ADAM18: variants seen among roughly 807,000 people sequenced by gnomAD.
ADAM18 encodes ADAM metallopeptidase domain 18.
A neutral mutation model predicts 94.4 loss-of-function variants in ADAM18; 117 were observed. The observed-to-expected ratio is 1.24, with a 90% CI of 1.07 to 1.45. ADAM18 has a LOEUF of 1.45. Ranked by LOEUF, ADAM18 falls within the 40% of genes most tolerant of loss-of-function variation. ADAM18 has a pLI of 0.00. For missense variants in ADAM18, 936 were observed against 880.0 expected (o/e 1.06, Z -0.81); for synonymous variants, 327 against 291.6 (o/e 1.12, Z -1.24).
chr8:39,611,914 A>C (rs1028861103), intron 6 of ADAM18, among the ~76,000 whole-genome samples: 2 of 152,230 alleles, frequency 1.3e-5, no homozygotes, highest in Non-Finnish European at 2.9e-5. Context: ...CAGACACACT[A>C]AAAGTGGAAA....
rs557740464 is a variant in ADAM18, at chr8:39,628,971, T to C, written c.523-403T>C. Among the ~76,000 whole-genome samples, 3 of 152,190 alleles carry C rather than the reference T, an allele frequency of 2.0e-5. No individual in the cohort carries two copies. The South Asian group carries it at 6.2e-4, about 32-fold the overall frequency. ...TTTACCTGAATTTCAGTGGAGACTA[T>C]GAGTTCTCAAATATTTCCTATATCT... On this transcript the variant is annotated intron_variant, in intron 6 of 19. Coordinates refer to ENST00000265707, the MANE Select transcript of ADAM18 (RefSeq NM_014237.3).
intron 2 of ADAM18, among the ~76,000 whole-genome samples, chr8:39,602,720 T>A (rs890788023): frequency 6.6e-6 from 1 of 152,148 alleles, no homozygotes; most frequent in Non-Finnish European, 1.5e-5. Context: ...ATGAGATATG[T>A]GATTTCCAAA....
intron 17 of ADAM18, among the ~76,000 whole-genome samples, chr8:39,700,449 A>C (rs115332969): frequency 0.02 from 2,995 of 151,730 alleles, 89 homozygotes; most frequent in African/African-American, 0.069. Context: ...CAATTCTCTC[A>C]CTGAAATTTG....
In ADAM18 at chr8:39,729,909, T is replaced by C. The variant is rs746413411; in HGVS notation, c.2189T>C (p.Val730Ala). 6.2e-6 allele frequency: 10 copies of C among 1,613,564 alleles called. No individual in the cohort carries two copies. The South Asian group carries it at 9.9e-5, about 16-fold the overall frequency. Residue 730 changes from valine (V) to alanine (A), a missense_variant, in exon 20 of 20, where the codon GTT becomes GCT. By Grantham distance (64) the Val-to-Ala change is moderately conservative. Transcript: ENST00000265707. ...ENAEYNRNSS[V>A]VSESDDVGH ...TTTCTTCACTATAGTAATTCATCCG[T>C]TGTATCAGAAAGCGATGACGTGGGA...
chr8:39,648,418 C>G lies in ADAM18; in HGVS notation c.1121C>G (p.Thr374Ser), dbSNP rs753776241. The G allele has an allele frequency of 2.5e-6, 4 of 1,613,072 alleles. No individual in the cohort carries two copies. The Admixed American group carries it at 6.7e-5, about 27-fold the overall frequency. The change falls in exon 12 of 20, where the codon ACT (threonine) becomes AGT (serine). Residue 374 changes from threonine to serine, a missense_variant. Coordinates refer to ENST00000265707, the MANE Select transcript of ADAM18 (RefSeq NM_014237.3). ...DYRYFVSKFETKCLQKLSNLQ... is the reference protein window; with the variant it reads ...DYRYFVSKFESKCLQKLSNLQ... ...AGATATTTTGTTTCAAAATTTGAGA[C>G]TAAATGCCTTCAGAAGCTTTCAAAT... is the stretch of plus-strand genomic sequence containing the variant.
At chr8:39,631,850 G>C (rs557043809) in intron 7 of ADAM18, among the ~76,000 whole-genome samples, 1 of 151,814 alleles carries the variant, frequency 6.6e-6, no homozygotes, top group Non-Finnish European at 1.5e-5. Context: ...AATTCCTTTC[G>C]TCAGTGTTCT....
At chr8:39,670,388 C>T (rs1212324657) in intron 14 of ADAM18, among the ~76,000 whole-genome samples, 1 of 152,108 alleles carries the variant, frequency 6.6e-6, no homozygotes, top group Non-Finnish European at 1.5e-5. Flanking sequence ...CTCCTTGATT[C>T]ATTTACTTAG....
At chr8:39,723,358 G>C (rs1586017769) in intron 18 of ADAM18, among the ~76,000 whole-genome samples, 1 of 151,448 alleles carries the variant, frequency 6.6e-6, no homozygotes, top group East Asian at 1.9e-4. Context: ...AGAGAAATGA[G>C]TCATTTATAA....
intron 6 of ADAM18, among the ~76,000 whole-genome samples, chr8:39,622,419 G>A (rs1819641449): frequency 6.6e-6 from 1 of 151,564 alleles, no homozygotes; most frequent in Admixed American, 6.6e-5. Flanking sequence ...CATAGGCAAT[G>A]TAATGAAAAT....
At chr8:39,585,236 GC>G in intron 1 of ADAM18, 39 bp from the exon 2 acceptor site, 3 of 1,541,720 alleles carry the variant, frequency 1.9e-6, no homozygotes, top group Non-Finnish European at 2.7e-6. Context: ...GATTGTTGAT[GC>G]AAAACAAAGA....
intron 17 of ADAM18, among the ~76,000 whole-genome samples, chr8:39,701,718 T>A (rs1284447626): frequency 2.6e-5 from 4 of 152,164 alleles, no homozygotes; most frequent in African/African-American, 9.7e-5. Flanking sequence ...TCGTTCCCAC[T>A]TATAAGTGAG....
At chr8:39,723,584 G>A (rs1822817842) in intron 18 of ADAM18, among the ~76,000 whole-genome samples, 164 bp from the exon 19 acceptor site, 1 of 151,530 alleles carries the variant, frequency 6.6e-6, no homozygotes, top group Non-Finnish European at 1.5e-5. Context: ...GAAAATCTAT[G>A]AAAAATATAG....
chr8:39,590,887 C>T (rs749005077), intron 2 of ADAM18, among the ~76,000 whole-genome samples: 3 of 152,058 alleles, frequency 2.0e-5, no homozygotes, highest in African/African-American at 7.2e-5. Flanking sequence ...AATACTTTTG[C>T]TTATTATTGT....
Position 39,676,400 on chromosome 8 carries a change from A to G in ADAM18, c.1526-1031A>G, listed in dbSNP as rs550786402. On this transcript the variant is annotated intron_variant, in intron 14 of 19. Transcript: ENST00000265707. Reference sequence around the variant, plus strand: ...GGCTGCCACCTTGCAGATTGATCTCAGACTGCTGCGCTAGCAGTGAGCAAG... The same window carrying G: ...GGCTGCCACCTTGCAGATTGATCTCGGACTGCTGCGCTAGCAGTGAGCAAG... 2.6e-5 allele frequency among the ~76,000 whole-genome samples: 4 copies of G among 152,332 alleles called. No individual in the cohort carries two copies. The South Asian group carries it at 8.3e-4, about 32-fold the overall frequency.
intron 13 of ADAM18, among the ~76,000 whole-genome samples, chr8:39,665,689 CCATA>C (rs1361409460): frequency 6.6e-6 from 1 of 152,002 alleles, no homozygotes; most frequent in Non-Finnish European, 1.5e-5. Flanking sequence ...AATCATTGAT[CCATA>C]CAAATTATTG....
At chr8:39,685,675 G>T (rs1821589978) in intron 16 of ADAM18, among the ~76,000 whole-genome samples, 1 of 152,114 alleles carries the variant, frequency 6.6e-6, no homozygotes. Context: ...GCTGGGCTAA[G>T]AATTTTCCAA....
chr8:39,678,729 A>G (rs370667754), intron 15 of ADAM18, among the ~76,000 whole-genome samples: 1 of 152,196 alleles, frequency 6.6e-6, no homozygotes, highest in South Asian at 2.1e-4. Context: ...AGAAACCTGG[A>G]AGAAATTGTG....
intron 16 of ADAM18, 22 bp from the exon 17 acceptor site, chr8:39,692,578 A>G (rs1001274533): frequency 3.3e-6 from 5 of 1,499,926 alleles, no homozygotes; most frequent in Non-Finnish European, 4.5e-6. Flanking sequence ...GAATTGTAAA[A>G]TTTTTGTTTG....
intron 19 of ADAM18, among the ~76,000 whole-genome samples, chr8:39,725,302 G>A (rs1246808731): frequency 3.3e-5 from 5 of 151,924 alleles, no homozygotes; most frequent in African/African-American, 1.2e-4. Context: ...ACCTCCCAAA[G>A]TTTCCTCCCA....
Sources: gnomAD v4.1 joint callset for allele counts (sites outside exome capture counted in the v4.1 genomes callset) on GRCh38, gnomAD v4.1.1 for gene constraint, MANE v1.5 for transcripts, NCBI Gene and HGNC (gene_info 2026-07-23, HGNC 2026-07-21) for gene names.